EFCAB11: variants seen among roughly 807,000 people sequenced by gnomAD.
The protein encoded by EFCAB11 is EF-hand calcium binding domain 11.
A neutral mutation model predicts 23.0 loss-of-function variants in EFCAB11; 14 were observed. The observed-to-expected ratio is 0.61, with a 90% confidence interval of 0.40 to 0.95. The LOEUF (loss-of-function observed/expected upper bound fraction) is 0.95. EFCAB11 is among the 40% of genes least tolerant of loss of function. The probability of loss-of-function intolerance (pLI) is 0.00; values close to 1 mark genes in which losing one functional copy is unlikely to be tolerated. For synonymous variants in EFCAB11, 65 were observed against 66.6 expected (o/e 0.98, Z 0.11); for missense variants, 198 against 195.8 (o/e 1.01, Z -0.07).
At chr14:89,872,654 A>C (rs1017279290) in intron 5 of EFCAB11, among the ~76,000 whole-genome samples, 1 of 152,200 alleles carries the variant, frequency 6.6e-6, no homozygotes. Context: ...CTGAAGTCCT[A>C]ACCTCCCAGC....
At chr14:89,951,533 C>T (rs1054945069) in intron 2 of EFCAB11, among the ~76,000 whole-genome samples, 2 of 152,246 alleles carry the variant, frequency 1.3e-5, no homozygotes, top group South Asian at 2.1e-4. Flanking sequence ...TGAACTGCTT[C>T]GAAGTAGAGA....
intron 5 of EFCAB11, among the ~76,000 whole-genome samples, chr14:89,858,525 T>G (rs1409440799): frequency 1.3e-5 from 2 of 152,298 alleles, no homozygotes; most frequent in East Asian, 3.9e-4. Flanking sequence ...GGTCTCACTC[T>G]GTCGCCCAGA....
intron 3 of EFCAB11, among the ~76,000 whole-genome samples, chr14:89,945,610 CT>C (rs1414024637): frequency 1.3e-5 from 2 of 152,152 alleles, no homozygotes; most frequent in African/African-American, 4.8e-5. Context: ...ATACTTTGTA[CT>C]TTAAATGTAT....
At chr14:89,867,759 G>A (rs1888138992) in intron 5 of EFCAB11, among the ~76,000 whole-genome samples, 1 of 152,188 alleles carries the variant, frequency 6.6e-6, no homozygotes, top group Admixed American at 6.5e-5. Flanking sequence ...ACATCTAACT[G>A]AGATCTGCTA....
intron 5 of EFCAB11, among the ~76,000 whole-genome samples, chr14:89,855,370 G>A (rs1887722245): frequency 6.6e-6 from 1 of 152,018 alleles, no homozygotes; most frequent in African/African-American, 2.4e-5. Context: ...CACCTACTCG[G>A]GAGGCTGAGG....
chr14:89,844,348 G>A (rs1036646442), intron 5 of EFCAB11, among the ~76,000 whole-genome samples: 10 of 152,078 alleles, frequency 6.6e-5, no homozygotes, highest in East Asian at 1.9e-4. Context: ...TTACGACTAC[G>A]GTTTTCACTA....
At chr14:89,880,701 G>A (rs530216219) in intron 5 of EFCAB11, among the ~76,000 whole-genome samples, 5 of 152,244 alleles carry the variant, frequency 3.3e-5, no homozygotes, top group African/African-American at 7.2e-5. Flanking sequence ...TAAGCTCTAC[G>A]ACCTCTTGAG....
chr14:89,825,839 T>G (rs1006223403), intron 5 of EFCAB11, among the ~76,000 whole-genome samples: 2 of 152,202 alleles, frequency 1.3e-5, no homozygotes, highest in Non-Finnish European at 2.9e-5. Flanking sequence ...CTGGCAGCTA[T>G]CTGGATGCTT....
chr14:89,795,724 A>G lies in EFCAB11; in HGVS notation c.*1519T>C, dbSNP rs1306657963. The G allele has an allele frequency of 6.6e-6, 1 of 152,202 alleles. No homozygotes were observed. Among genetic ancestry groups the G allele is most frequent in the Non-Finnish European group, 1.5e-5 (1 of 68,038 alleles). 9.4% of individuals were successfully genotyped at this position (152,202 alleles called of 1,614,324 possible). A position where few individuals can be genotyped will look rare whatever the true frequency, so the allele number is the denominator to read the frequency against. ...GTTATCTGCTAATAATTTGTATGAT[A>G]ATGACGCTTAATGTTTCCATATTAC... On this transcript the variant is annotated 3_prime_UTR_variant, in exon 6 of 6. Transcript: ENST00000316738.
intron 3 of EFCAB11, among the ~76,000 whole-genome samples, chr14:89,939,963 TCCTGA>T (rs1261957099): frequency 1.3e-5 from 2 of 152,190 alleles, no homozygotes; most frequent in Non-Finnish European, 2.9e-5. Flanking sequence ...GGTCTTGAAC[TCCTGA>T]CCTCGTGATC....
intron 5 of EFCAB11, among the ~76,000 whole-genome samples, chr14:89,800,545 C>T (rs961374448): frequency 1.3e-5 from 2 of 152,126 alleles, no homozygotes; most frequent in Non-Finnish European, 2.9e-5. Flanking sequence ...GACACAGGGA[C>T]GTAGGTATAG....
rs111646313 is a variant in EFCAB11, at chr14:89,821,579, T to C, written c.411-24255A>G. On this transcript the variant is annotated intron_variant, in intron 5 of 5. Transcript: ENST00000316738. ...CTTCTGCCATAAAGAATGAAAAATATATTTTTAAAAATCACTTTCAGAGAT... is the reference window on the plus strand; with the variant it reads ...CTTCTGCCATAAAGAATGAAAAATACATTTTTAAAAATCACTTTCAGAGAT... Among the ~76,000 whole-genome samples, 351 of 152,300 alleles carry C rather than the reference T, an allele frequency of 2.3e-3. 2 individuals are homozygous for C. Among genetic ancestry groups the C allele is most frequent in the African/African-American group, 8.2e-3 (339 of 41,564 alleles).
chr14:89,911,916 T>C (rs898427756), intron 5 of EFCAB11, among the ~76,000 whole-genome samples: 2 of 152,224 alleles, frequency 1.3e-5, no homozygotes, highest in African/African-American at 4.8e-5. Flanking sequence ...TTATCCCTGT[T>C]AAGCCTCCTA....
At chr14:89,954,391 T>G in intron 1 of EFCAB11, 195 bp downstream of exon 1, 1 of 1,536,194 alleles carries the variant, frequency 6.5e-7, no homozygotes, top group Non-Finnish European at 8.7e-7. Context: ...GAGATGGAAC[T>G]TGGAGGTAGC....
At chr14:89,814,029 TC>T (rs1363168308) in intron 5 of EFCAB11, among the ~76,000 whole-genome samples, 1 of 149,990 alleles carries the variant, frequency 6.7e-6, no homozygotes, top group African/African-American at 2.5e-5. Context: ...AATAAATATA[TC>T]CCCATATGGA....
intron 5 of EFCAB11, among the ~76,000 whole-genome samples, chr14:89,886,016 C>G (rs911345823): frequency 6.6e-6 from 1 of 151,584 alleles, no homozygotes; most frequent in Non-Finnish European, 1.5e-5. Flanking sequence ...ATCAAGATTA[C>G]AAAGTTATAT....
rs546932834 is a variant in EFCAB11 at position 89,919,650 on chromosome 14, G to A, written c.410+11891C>T. 7.9e-5 allele frequency among the ~76,000 whole-genome samples: 12 copies of A among 152,142 alleles called. No homozygotes were observed. In the South Asian group the frequency reaches 8.3e-4, roughly 10 times the overall value. ...AGTGAGTGATAAACAGGCAGAGTAG[G>A]GGGGAGAGTAAAGGGTATTAGTATT... On this transcript the variant is annotated intron_variant, in intron 5 of 5. Coordinates refer to ENST00000316738, the MANE Select transcript of EFCAB11 (RefSeq NM_145231.4).
At chr14:89,835,577 A>G (rs1887046475) in intron 5 of EFCAB11, among the ~76,000 whole-genome samples, 1 of 117,792 alleles carries the variant, frequency 8.5e-6, no homozygotes, top group African/African-American at 3.9e-5. Context: ...CAGATTAGGG[A>G]TGCTCAACGT....
At chr14:89,838,516 T>G (rs1223829665) in intron 5 of EFCAB11, among the ~76,000 whole-genome samples, 1 of 147,602 alleles carries the variant, frequency 6.8e-6, no homozygotes, top group Non-Finnish European at 1.5e-5. Context: ...AGTGCTAACA[T>G]TAAACTAAAA....
Sources: allele counts gnomAD v4.1 joint callset (sites outside exome capture counted in the v4.1 genomes callset), GRCh38; gene constraint gnomAD v4.1.1; transcripts MANE v1.5; gene names NCBI Gene and HGNC (gene_info 2026-07-23, HGNC 2026-07-21).